ZNF638: variants seen among roughly 807,000 people sequenced by gnomAD.
ZNF638 encodes CTCL tumor antigen se33-1.
ZNF638 carries 46 observed loss-of-function variants against 195.6 expected under a neutral mutation model. That is an observed-to-expected ratio of 0.24 (90% CI 0.19 to 0.30). The LOEUF (loss-of-function observed/expected upper bound fraction) is 0.30. Ranked by LOEUF, ZNF638 falls within the 10% of genes least tolerant of loss-of-function variation. ZNF638 has a pLI of 1.00. For missense variants in ZNF638, 2,440 were observed against 2,325.3 expected, an observed-to-expected ratio of 1.05 and a Z score of -1.01; for synonymous variants, 845 against 772.0, an observed-to-expected ratio of 1.09 and a Z score of -1.57.
chr2:71,422,512 C>T (rs1170845449), intron 21 of ZNF638, among the ~76,000 whole-genome samples: 1 of 152,186 alleles, frequency 6.6e-6, no homozygotes, highest in Non-Finnish European at 1.5e-5. Context: ...CTCAGATTCA[C>T]ATTTGACCTT....
chr2:71,384,095 A>G (rs1293837980), intron 10 of ZNF638, among the ~76,000 whole-genome samples: 1 of 152,124 alleles, frequency 6.6e-6, no homozygotes, highest in Non-Finnish European at 1.5e-5. Context: ...TTTAGATAAC[A>G]TCCTTCCCCT....
At chr2:71,375,779 G>A (rs376534456) in intron 8 of ZNF638, 3 of 152,326 alleles carry the variant, frequency 2.0e-5, no homozygotes, top group South Asian at 4.1e-4. Flanking sequence ...GGCAAAGAAA[G>A]CCTAGCAGAT....
At chr2:71,419,405 G>A (rs2080375074) in intron 21 of ZNF638, among the ~76,000 whole-genome samples, 1 of 152,200 alleles carries the variant, frequency 6.6e-6, no homozygotes, top group South Asian at 2.1e-4. Flanking sequence ...GTTTGAAAGT[G>A]TTTAAATATG....
At position 71,397,240 on chromosome 2, in the gene ZNF638, A is replaced by G. The variant is rs573212098; in HGVS notation, c.2428+1049A>G. On this transcript the variant is annotated intron_variant, in intron 11 of 27. Coordinates refer to ENST00000264447, the MANE Select transcript of ZNF638 (RefSeq NM_014497.5). The stretch of plus-strand genomic sequence containing the variant: ...TACTTGCTGGAAATTAATGCCAGCT[A>G]TTTTTTATTTTTTCCTTAAGTCCCA... 2.6e-5 allele frequency among the ~76,000 whole-genome samples: 4 copies of G among 152,246 alleles called. No homozygotes were observed. In the East Asian group the frequency reaches 7.7e-4, roughly 29 times the overall value.
At chr2:71,353,156 A>G (rs1029390467) in intron 2 of ZNF638, among the ~76,000 whole-genome samples, 18 of 152,220 alleles carry the variant, frequency 1.2e-4, no homozygotes, top group African/African-American at 2.2e-4. Context: ...ACTTTTTCCT[A>G]TTGAGTAAAT....
chr2:71,362,456 T>C (rs1471808101), intron 3 of ZNF638, among the ~76,000 whole-genome samples: 2 of 152,342 alleles, frequency 1.3e-5, no homozygotes, highest in South Asian at 2.1e-4. Context: ...TTTTCCTGTG[T>C]GTAACCTCAT....
chr2:71,365,423 T>A lies in ZNF638; in HGVS notation c.1718-6T>A. On this transcript the variant is annotated splice_polypyrimidine_tract_variant and splice_region_variant and intron_variant, in intron 5 of 27. Transcript: ENST00000264447. ...AATTGAAATTATATTTATATCTTTT[T>A]ACTAGATAGAAAAAAAGCATTAGAA... 6.4e-7 allele frequency: 1 copy of A among 1,571,104 alleles called. No individual in the cohort carries two copies. Among genetic ancestry groups the A allele is most frequent in the Non-Finnish European group, 8.6e-7 (1 of 1,163,078 alleles).
intron 2 of ZNF638, among the ~76,000 whole-genome samples, chr2:71,352,061 T>A (rs1573033596): frequency 6.6e-6 from 1 of 152,334 alleles, no homozygotes; most frequent in Non-Finnish European, 1.5e-5. Flanking sequence ...CTAGTTAGAC[T>A]AATGGAATGT....
At chr2:71,398,808 T>C in intron 12 of ZNF638, 36 bp downstream of exon 12, 3 of 1,515,576 alleles carry the variant, frequency 2.0e-6, no homozygotes, top group Non-Finnish European at 1.8e-6. Flanking sequence ...TTATTGTTTA[T>C]TCTTTATTTA....
chr2:71,390,336 A>G (rs1017847844), intron 10 of ZNF638, among the ~76,000 whole-genome samples: 13 of 152,290 alleles, frequency 8.5e-5, no homozygotes, highest in East Asian at 5.8e-4. Context: ...CTCTGCCCCA[A>G]CGAATTAGTG....
rs559617059 is a variant in ZNF638 at position 71,424,836 on chromosome 2, G to A, written c.4590+121G>A. 105 of 721,194 alleles carry A rather than the reference G, an allele frequency of 1.5e-4. No homozygotes were observed. In the Middle Eastern group the frequency reaches 1.8e-3, roughly 12 times the overall value. The allele number at this position is 721,194 out of a possible 1,614,324, so 44.7% of individuals were successfully genotyped here. The stretch of plus-strand genomic sequence containing the variant: ...ACTAAGAGTTTAGAGCAAGGGATAG[G>A]AATGAGATGTTTTGTTTTTAACTTA... On this transcript the variant is annotated intron_variant, in intron 23 of 27. Transcript: ENST00000264447.
chr2:71,346,749 G>A (rs1398297798), intron 1 of ZNF638, among the ~76,000 whole-genome samples: 11 of 152,188 alleles, frequency 7.2e-5, no homozygotes, highest in South Asian at 2.1e-4. Flanking sequence ...ATTGAATGCC[G>A]GGCGACGTGG....
intron 3 of ZNF638, among the ~76,000 whole-genome samples, chr2:71,360,732 C>T (rs988142359): frequency 2.4e-4 from 36 of 152,182 alleles, no homozygotes; most frequent in African/African-American, 6.5e-4. Flanking sequence ...GCAAATGCTT[C>T]GTTGGTGATG....
intron 1 of ZNF638, 52 bp downstream of exon 1, chr2:71,331,927 T>G: frequency 1.0e-6 from 1 of 986,016 alleles, no homozygotes; most frequent in Non-Finnish European, 1.2e-6. Context: ...GAGGCCGGTA[T>G]CGTGGGGGTC....
At chr2:71,391,839 A>G (rs749053293) in intron 10 of ZNF638, among the ~76,000 whole-genome samples, 28 of 152,200 alleles carry the variant, frequency 1.8e-4, no homozygotes, top group Non-Finnish European at 3.5e-4. Context: ...CAAAAAGGGA[A>G]ATTGAGGAAA....
intron 2 of ZNF638, 56 bp downstream of exon 2, chr2:71,350,327 T>C: frequency 2.0e-6 from 3 of 1,507,588 alleles, no homozygotes; most frequent in African/African-American, 1.4e-5. Context: ...CAGTTTTCTC[T>C]AAATTCTGAT....
intron 10 of ZNF638, 34 bp downstream of exon 10, chr2:71,380,599 GTGTATCT>G (rs2079518971): frequency 6.5e-7 from 1 of 1,545,522 alleles, no homozygotes; most frequent in Non-Finnish European, 8.8e-7. Context: ...TTTCAAATGA[GTGTATCT>G]TGTCAGTTTA....
chr2:71,339,846 C>CT (rs1451704463), intron 1 of ZNF638, among the ~76,000 whole-genome samples: 1 of 152,148 alleles, frequency 6.6e-6, no homozygotes, highest in African/African-American at 2.4e-5. Context: ...GTTACACTTA[C>CT]TAGGAGTGTT....
chr2:71,393,521 CGACACAAGCCCCG>C (rs1034694703), intron 10 of ZNF638: 7 of 717,792 alleles, frequency 9.8e-6, no homozygotes, highest in African/African-American at 5.2e-5. Flanking sequence ...CTTCCTCAGA[CGACACAAGCCCCG>C]GACATTACCT....
Sources: gnomAD v4.1 joint callset for allele counts (sites outside exome capture counted in the v4.1 genomes callset) on GRCh38, gnomAD v4.1.1 for gene constraint, MANE v1.5 for transcripts, NCBI Gene and HGNC (gene_info 2026-07-23, HGNC 2026-07-21) for gene names.